Variants in ZC3H11A observed in about 807,000 individuals in gnomAD.
The protein encoded by ZC3H11A is zinc finger CCCH-type containing 11A, also known as zinc finger CCCH domain-containing protein 11A.
In ZC3H11A, 22 loss-of-function variants were observed where a neutral mutation model predicts 90.8. The observed-to-expected ratio is 0.24, with a 90% CI of 0.17 to 0.35. The LOEUF (loss-of-function observed/expected upper bound fraction) is 0.35. ZC3H11A is among the 10% of genes least tolerant of loss of function. ZC3H11A has a pLI of 1.00. For missense variants in ZC3H11A, 701 were observed against 964.9 expected (o/e 0.73, Z 3.62); for synonymous variants, 294 against 339.8 (o/e 0.87, Z 1.48).
At chr1:203,840,637 T>TTTA (rs367706144) in intron 12 of ZC3H11A, among the ~76,000 whole-genome samples, 10 of 124,512 alleles carry the variant, frequency 8.0e-5, no homozygotes, top group African/African-American at 2.4e-4. Flanking sequence ...TATTTATTTA[T>TTTA]TTTATTTATT....
chr1:203,811,262 C>T (rs1418406591), intron 2 of ZC3H11A, among the ~76,000 whole-genome samples: 1 of 151,938 alleles, frequency 6.6e-6, no homozygotes, highest in Non-Finnish European at 1.5e-5. Flanking sequence ...CAGCTGAGGT[C>T]GTGCCATTGC....
At chr1:203,800,472 C>T (rs1316839662) in intron 1 of ZC3H11A, 1 of 1,470,626 alleles carries the variant, frequency 6.8e-7, no homozygotes, top group African/African-American at 1.4e-5. Context: ...ATTTCTTTTT[C>T]TCCATTTAAA....
chr1:203,800,453 A>T, intron 1 of ZC3H11A: 1 of 1,485,308 alleles, frequency 6.7e-7, no homozygotes. Flanking sequence ...AAAAAGAAAT[A>T]CTGCCTTAAT....
At chr1:203,845,999 G>C (rs929854440) in intron 12 of ZC3H11A, among the ~76,000 whole-genome samples, 3 of 150,822 alleles carry the variant, frequency 2.0e-5, no homozygotes, top group African/African-American at 7.3e-5. Flanking sequence ...ATTTCAGACT[G>C]GGTATGGTGG....
chr1:203,847,495 A>G lies in ZC3H11A; in HGVS notation c.1354A>G (p.Ser452Gly), dbSNP rs1251728202. ...AGTAGTTTTGCCACCCATTGTTGCCAGCAGAGGACAATCAGAGGAGCCTGC... is the reference window on the plus strand; with the variant it reads ...AGTAGTTTTGCCACCCATTGTTGCCGGCAGAGGACAATCAGAGGAGCCTGC... ...KTVVLPPIVA[S>G]RGQSEEPAGK... The change falls in exon 13 of 18, where the codon AGC (serine) becomes GGC (glycine). Residue 452 changes from serine to glycine, a missense_variant. This residue lies in a region of ZC3H11A where 530 missense variants were observed against 696.2 expected (regional missense o/e 0.76). Coordinates refer to ENST00000367210, the MANE Select transcript of ZC3H11A (RefSeq NM_001376342.1). 15 of 1,613,988 alleles carry G rather than the reference A, an allele frequency of 9.3e-6. No individual in the cohort carries two copies. The highest frequency in any genetic ancestry group is 1.2e-5 in the Non-Finnish European group (14 of 1,179,876).
chr1:203,851,646 A>T (rs1166271859), intron 17 of ZC3H11A, among the ~76,000 whole-genome samples: 3 of 152,090 alleles, frequency 2.0e-5, no homozygotes, highest in Non-Finnish European at 2.9e-5. Flanking sequence ...AGATGTCTTT[A>T]ACACCTACTT....
intron 4 of ZC3H11A, 71 bp downstream of exon 4, chr1:203,818,760 C>T (rs1307923115): frequency 3.7e-6 from 6 of 1,604,596 alleles, no homozygotes; most frequent in Non-Finnish European, 5.1e-6. Context: ...AATATAGGGA[C>T]AAAAGTGACT....
intron 4 of ZC3H11A, among the ~76,000 whole-genome samples, chr1:203,821,452 A>G (rs1289221673): frequency 6.6e-6 from 1 of 152,014 alleles, no homozygotes; most frequent in Non-Finnish European, 1.5e-5. Context: ...ATTGACCCAG[A>G]TTTGGCAAGT....
chr1:203,802,358 T>C lies in ZC3H11A; in HGVS notation c.-804T>C, dbSNP rs1040995293. 1 of 152,572 alleles carries C rather than the reference T, an allele frequency of 6.6e-6. No individual in the cohort carries two copies. Among genetic ancestry groups the C allele is most frequent in the Non-Finnish European group, 1.5e-5 (1 of 68,022 alleles). The allele number at this position is 152,572 out of a possible 1,614,324, so 9.5% of individuals were successfully genotyped here. On this transcript the variant is annotated 5_prime_UTR_variant, in exon 2 of 18. Coordinates refer to ENST00000367210, the MANE Select transcript of ZC3H11A (RefSeq NM_001376342.1). ...TCTTTATTTTTATAATGAACCCAAA[T>C]CTAAAGTCTTTTATAGTGCATTTTA...
chr1:203,812,343 T>G (rs1289682275), intron 2 of ZC3H11A, among the ~76,000 whole-genome samples: 5 of 152,152 alleles, frequency 3.3e-5, no homozygotes, highest in Admixed American at 2.0e-4. Flanking sequence ...TTCTCAGCAT[T>G]TAGCTCCCAC....
chr1:203,803,611 T>A (rs1425792278), intron 2 of ZC3H11A, among the ~76,000 whole-genome samples: 1 of 152,220 alleles, frequency 6.6e-6, no homozygotes, highest in Non-Finnish European at 1.5e-5. Context: ...TGGGTTATTT[T>A]GTTTCGTTTT....
At chr1:203,805,143 ATTTT>A (rs148879848) in intron 2 of ZC3H11A, among the ~76,000 whole-genome samples, 5 of 131,444 alleles carry the variant, frequency 3.8e-5, no homozygotes, top group Non-Finnish European at 5.0e-5. Context: ...TACAGTAGTG[ATTTT>A]TTTTTTTTTT....
chr1:203,796,314 G>A (rs1169852207), intron 1 of ZC3H11A: 3 of 397,954 alleles, frequency 7.5e-6, no homozygotes. Context: ...TTTGGAGCTT[G>A]TCTCAAACTC....
At chr1:203,812,879 A>G (rs1674996410) in intron 2 of ZC3H11A, among the ~76,000 whole-genome samples, 1 of 152,028 alleles carries the variant, frequency 6.6e-6, no homozygotes, top group South Asian at 2.1e-4. Context: ...ACTGTGCCCA[A>G]ATGGATTTTA....
chr1:203,813,587 C>G (rs1163163816), intron 2 of ZC3H11A, among the ~76,000 whole-genome samples: 1 of 152,056 alleles, frequency 6.6e-6, no homozygotes, highest in Non-Finnish European at 1.5e-5. Flanking sequence ...GTATTAGTTC[C>G]TAGGACTTCC....
chr1:203,829,672 CCTT>C lies in ZC3H11A; in HGVS notation c.502+22_502+24del, dbSNP rs1381173823. 3 of 1,614,160 alleles carry C rather than the reference CCTT, an allele frequency of 1.9e-6. No homozygotes were observed. The highest frequency in any genetic ancestry group is 1.1e-5 in the South Asian group (1 of 91,080). ...TGATGATGGTAAGTTCTGTCTGGCT[CCTT>C]CTTTAAGGCAAATAAATAGGGTCTC... On this transcript the variant is annotated intron_variant, in intron 6 of 17. Transcript: ENST00000367210.
intron 2 of ZC3H11A, among the ~76,000 whole-genome samples, chr1:203,814,575 A>AAT (rs1675622895): frequency 6.6e-6 from 1 of 152,026 alleles, no homozygotes; most frequent in African/African-American, 2.4e-5. Context: ...ACACGATCCT[A>AAT]ATTTCTGACT....
At chr1:203,844,156 T>A (rs1172368340) in intron 12 of ZC3H11A, among the ~76,000 whole-genome samples, 6 of 145,366 alleles carry the variant, frequency 4.1e-5, no homozygotes, top group Non-Finnish European at 9.1e-5. Context: ...TGTGCCCGCC[T>A]TTATTTTTTA....
Position 203,817,090 on chromosome 1 carries a change from A to C in ZC3H11A, c.20A>C (p.Asp7Ala), listed in dbSNP as rs745660466. 6.2e-7 allele frequency: 1 copy of C among 1,609,648 alleles called. No homozygotes were observed. Among genetic ancestry groups the C allele is most frequent in the Non-Finnish European group, 8.5e-7 (1 of 1,178,390 alleles). MPNQGE[D>A]CYFFFYSTCT... ...CCCAGCATGCCTAATCAAGGAGAAG[A>C]CTGCTATTTTTTTTTCTATTCCACA... Residue 7 changes from aspartate to alanine, a missense_variant, in exon 3 of 18, where the codon GAC becomes GCC. Asp to Ala is a moderately radical substitution (Grantham distance 126). Around this residue, in one of 4 missense-constraint regions of ZC3H11A, gnomAD observed 59 missense variants for 132.8 expected, o/e 0.44. Transcript: ENST00000367210.
Sources: allele counts gnomAD v4.1 joint callset (sites outside exome capture counted in the v4.1 genomes callset), GRCh38; gene constraint gnomAD v4.1.1; regional missense constraint gnomAD v4.1.1; transcripts MANE v1.5; gene names NCBI Gene and HGNC (gene_info 2026-07-23, HGNC 2026-07-21).